TRIM24: variants seen among roughly 807,000 people sequenced by gnomAD.
TRIM24 encodes the protein tripartite motif containing 24, also known as transcription intermediary factor 1-alpha.
In TRIM24, 29 loss-of-function variants were observed where a neutral mutation model predicts 123.9. The observed-to-expected ratio is 0.23, with a 90% CI of 0.17 to 0.32. The LOEUF (loss-of-function observed/expected upper bound fraction) is 0.32, where lower values mean the gene tolerates loss of function less well. Ranked by LOEUF, TRIM24 falls within the 10% of genes least tolerant of loss-of-function variation. TRIM24 has a pLI of 1.00. For missense variants in TRIM24, 932 were observed against 1,295.3 expected, an observed-to-expected ratio of 0.72 and a Z score of 4.31; for synonymous variants, 456 against 461.1, an observed-to-expected ratio of 0.99 and a Z score of 0.14.
chr7:138,580,318 A>G (rs1563068643), intron 15 of TRIM24, among the ~76,000 whole-genome samples: 2 of 152,102 alleles, frequency 1.3e-5, no homozygotes, highest in Non-Finnish European at 2.9e-5. Context: ...TTTTTTTTCA[A>G]TATATGTATC....
intron 17 of TRIM24, among the ~76,000 whole-genome samples, chr7:138,582,720 A>C (rs1012302220): frequency 2.0e-5 from 3 of 149,256 alleles, no homozygotes; most frequent in East Asian, 1.9e-4. Flanking sequence ...ACTCTGTCCC[A>C]AAAAAAAAAT....
At position 138,585,457 on chromosome 7, in the gene TRIM24, G is replaced by A; in HGVS notation, c.*506G>A. The A allele has an allele frequency of 3.4e-6, 1 of 295,960 alleles. No individual in the cohort carries two copies. The highest frequency in any genetic ancestry group is 6.4e-6 in the Non-Finnish European group (1 of 155,728). 18.3% of individuals were successfully genotyped at this position (295,960 alleles called of 1,614,324 possible). A position where few individuals can be genotyped will look rare whatever the true frequency, so the allele number is the denominator to read the frequency against. Reference sequence around the variant, plus strand: ...TGAAGAACAGTACTCCACAAACATGGGTGGTAACAAGAGTTCCATCCCAGG... The same window carrying A: ...TGAAGAACAGTACTCCACAAACATGAGTGGTAACAAGAGTTCCATCCCAGG... On this transcript the variant is annotated 3_prime_UTR_variant, in exon 19 of 19. Coordinates refer to ENST00000343526, the MANE Select transcript of TRIM24 (RefSeq NM_015905.3).
Position 138,515,414 on chromosome 7 carries a change from C to T in TRIM24, c.631+55C>T, listed in dbSNP as rs1410532670. The T allele has an allele frequency of 5.0e-6, 8 of 1,584,222 alleles. No individual in the cohort carries two copies. The East Asian group carries it at 1.6e-4, about 31-fold the overall frequency. On this transcript the variant is annotated intron_variant, in intron 3 of 18. Transcript: ENST00000343526. ...CTTCTATCTTTCCCCGTCTTTTCTTCCTTCCTGTATTGACTTGTTTTGACA... is the reference window on the plus strand; with the variant it reads ...CTTCTATCTTTCCCCGTCTTTTCTTTCTTCCTGTATTGACTTGTTTTGACA...
chr7:138,539,680 C>G (rs557470729), intron 7 of TRIM24, among the ~76,000 whole-genome samples: 1 of 151,980 alleles, frequency 6.6e-6, no homozygotes, highest in South Asian at 2.1e-4. Context: ...ATAAGCCAAG[C>G]CATACAGTTT....
chr7:138,491,897 G>A (rs1183387619), intron 1 of TRIM24, among the ~76,000 whole-genome samples: 3 of 150,692 alleles, frequency 2.0e-5, no homozygotes, highest in Non-Finnish European at 4.4e-5. Context: ...TTGTGGTTTT[G>A]ATTTGCATTT....
rs186925823 is a variant in TRIM24, at chr7:138,563,665, C to T, written c.1531-3816C>T. ...CACCCTGGGCTTGTCCTGCAAATGCCGTGTTCACTGTGCACTGATTTTCAG... is the reference window on the plus strand; with the variant it reads ...CACCCTGGGCTTGTCCTGCAAATGCTGTGTTCACTGTGCACTGATTTTCAG... On this transcript the variant is annotated intron_variant, in intron 9 of 18. Coordinates refer to ENST00000343526, the MANE Select transcript of TRIM24 (RefSeq NM_015905.3). Among the ~76,000 whole-genome samples the T allele has an allele frequency of 4.3e-3, 657 of 152,254 alleles. 6 individuals are homozygous for T. Among genetic ancestry groups the T allele is most frequent in the African/African-American group, 0.015 (635 of 41,562 alleles).
chr7:138,558,510 C>T (rs1254792439), intron 9 of TRIM24, among the ~76,000 whole-genome samples: 12 of 152,170 alleles, frequency 7.9e-5, no homozygotes, highest in Admixed American at 7.9e-4. Context: ...GGTTCCTCCA[C>T]ATGCATAGCA....
intron 9 of TRIM24, among the ~76,000 whole-genome samples, chr7:138,555,558 C>G (rs1797299578): frequency 6.6e-6 from 1 of 150,714 alleles, no homozygotes; most frequent in South Asian, 2.1e-4. Flanking sequence ...TCTCAGCTCA[C>G]TACAACCTCT....
At chr7:138,482,531 C>T (rs1178648807) in intron 1 of TRIM24, among the ~76,000 whole-genome samples, 2 of 152,130 alleles carry the variant, frequency 1.3e-5, no homozygotes, top group Admixed American at 6.6e-5. Flanking sequence ...GGAGGCACAT[C>T]GTACACATAT....
intron 1 of TRIM24, among the ~76,000 whole-genome samples, chr7:138,496,942 T>C (rs1795920601): frequency 6.6e-6 from 1 of 152,216 alleles, no homozygotes; most frequent in Non-Finnish European, 1.5e-5. Flanking sequence ...TCATGATGTA[T>C]ATGTATTTTT....
At chr7:138,491,112 TA>T in intron 1 of TRIM24, 1 of 285,416 alleles carries the variant, frequency 3.5e-6, no homozygotes, top group South Asian at 3.9e-5. Flanking sequence ...ACATCTTTGA[TA>T]ATCAGTTTGA....
Position 138,538,799 on chromosome 7 carries a change from G to A in TRIM24, c.1139G>A (p.Arg380Gln), listed in dbSNP as rs756150696. 5.0e-6 allele frequency: 8 copies of A among 1,613,600 alleles called. No homozygotes were observed. The highest frequency in any genetic ancestry group is 6.8e-6 in the Non-Finnish European group (8 of 1,179,776). ...AGTACAGCATTACTTTATAGCAAAC[G>A]ACTGGTAAGATAAAGTATGCTATTT... The part of the protein sequence containing the change: ...GSSTALLYSK[R>Q]LITYRLRHLL... Residue 380 changes from arginine to glutamine, a missense_variant, in exon 7 of 19, where the codon CGA becomes CAA. Arg to Gln is a conservative substitution (Grantham distance 43, BLOSUM62 1). This residue lies in a region of TRIM24 where 527 missense variants were observed against 691.3 expected (regional missense o/e 0.76). Coordinates refer to ENST00000343526, the MANE Select transcript of TRIM24 (RefSeq NM_015905.3).
At chr7:138,477,008 G>A (rs1795417730) in intron 1 of TRIM24, among the ~76,000 whole-genome samples, 1 of 152,110 alleles carries the variant, frequency 6.6e-6, no homozygotes, top group Non-Finnish European at 1.5e-5. Context: ...GTACTGTTAA[G>A]TAGAAATCAA....
chr7:138,529,950 T>A (rs1039479345), intron 6 of TRIM24, among the ~76,000 whole-genome samples: 1 of 152,140 alleles, frequency 6.6e-6, no homozygotes, highest in Non-Finnish European at 1.5e-5. Flanking sequence ...AAAAAAAGAA[T>A]CCTAATGTTT....
chr7:138,523,271 G>C (rs141858071), intron 4 of TRIM24, among the ~76,000 whole-genome samples: 67 of 152,266 alleles, frequency 4.4e-4, no homozygotes, highest in African/African-American at 1.6e-3. Context: ...AAGGATATCT[G>C]TCAATAATAA....
intron 6 of TRIM24, among the ~76,000 whole-genome samples, chr7:138,534,399 T>G (rs923865969): frequency 4.6e-5 from 7 of 152,250 alleles, no homozygotes; most frequent in Non-Finnish European, 8.8e-5. Context: ...GTCCCAGAGA[T>G]CCAGGTACGT....
chr7:138,579,163 T>G, intron 14 of TRIM24, 41 bp from the exon 15 acceptor site: 5 of 1,505,918 alleles, frequency 3.3e-6, no homozygotes, highest in Non-Finnish European at 4.5e-6. Flanking sequence ...GTGATAAAAT[T>G]TTTTTTAAAG....
In TRIM24 at chr7:138,552,844, A is replaced by G. The variant is rs190742203; in HGVS notation, c.1261+1664A>G. ...ACTCATTTTACCAAAAAGCATCTTTAGAATACAGAACATGTGTATAAGTAA... is the reference window on the plus strand; with the variant it reads ...ACTCATTTTACCAAAAAGCATCTTTGGAATACAGAACATGTGTATAAGTAA... On this transcript the variant is annotated intron_variant, in intron 8 of 18. Transcript: ENST00000343526. 1.4e-4 allele frequency among the ~76,000 whole-genome samples: 22 copies of G among 152,334 alleles called. No individual in the cohort carries two copies. In the East Asian group the frequency reaches 4.1e-3, roughly 28 times the overall value.
At chr7:138,527,994 C>T (rs764592756) in intron 5 of TRIM24, among the ~76,000 whole-genome samples, 5 of 152,184 alleles carry the variant, frequency 3.3e-5, no homozygotes, top group South Asian at 4.1e-4. Flanking sequence ...TGGCGTGAAG[C>T]ATAGTGGTGT....
Sources: gnomAD v4.1 joint callset for allele counts (sites outside exome capture counted in the v4.1 genomes callset) on GRCh38, gnomAD v4.1.1 for gene constraint, gnomAD v4.1.1 regional missense constraint, MANE v1.5 for transcripts, NCBI Gene and HGNC (gene_info 2026-07-23, HGNC 2026-07-21) for gene names.